Variants in HDAC9 observed in about 807,000 individuals in gnomAD.
The protein encoded by HDAC9 is MEF-2 interacting transcription repressor (MITR) protein.
Under a neutral mutation model 139.4 loss-of-function variants are expected in HDAC9, and 41 were observed. The observed-to-expected ratio is 0.29, with a 90% CI of 0.23 to 0.38. The LOEUF (loss-of-function observed/expected upper bound fraction) is 0.38, where lower values mean the gene tolerates loss of function less well. Ranked by LOEUF, HDAC9 falls within the 10% of genes least tolerant of loss-of-function variation. HDAC9 has a pLI of 1.00. For missense variants in HDAC9, 1,147 were observed against 1,297.0 expected (o/e 0.88, Z 1.78); for synonymous variants, 517 against 476.2 (o/e 1.09, Z -1.12).
intron 2 of HDAC9, among the ~76,000 whole-genome samples, chr7:18,561,531 A>G (rs959352658): frequency 3.9e-5 from 6 of 152,164 alleles, no homozygotes; most frequent in African/African-American, 1.4e-4. Context: ...CATCACCACA[A>G]TCTAACATAG....
chr7:18,253,460 T>G lies in HDAC9; in HGVS notation c.25+91111T>G, dbSNP rs565995487. ...AATAGCCATTCTTAATGGTATGAGA[T>G]GGTATCTCATTGTGGTTTTCATTTT... On this transcript the variant is annotated intron_variant, in intron 2 of 12. Coordinates refer to the HDAC9 transcript ENST00000417496. Among the ~76,000 whole-genome samples the G allele has an allele frequency of 2.0e-5, 3 of 152,342 alleles. No individual in the cohort carries two copies. In the East Asian group the frequency reaches 5.8e-4, roughly 29 times the overall value.
intron 22 of HDAC9, among the ~76,000 whole-genome samples, chr7:18,910,628 C>T (rs934530421): frequency 6.6e-6 from 1 of 151,860 alleles, no homozygotes; most frequent in Non-Finnish European, 1.5e-5. Flanking sequence ...CCAGTTCTTA[C>T]AGAAAAAGCT....
intron 2 of HDAC9, among the ~76,000 whole-genome samples, chr7:18,245,931 G>C (rs1359202354): frequency 6.6e-6 from 1 of 151,734 alleles, no homozygotes; most frequent in Non-Finnish European, 1.5e-5. Flanking sequence ...GACTGGATCA[G>C]TCATTGCTTA....
chr7:18,457,565 T>A (rs1793453078), intron 1 of HDAC9, among the ~76,000 whole-genome samples: 1 of 152,346 alleles, frequency 6.6e-6, no homozygotes, highest in Admixed American at 6.5e-5. Context: ...TGTCTGCCCC[T>A]GTGCAGCTGA....
intron 22 of HDAC9, among the ~76,000 whole-genome samples, chr7:18,909,113 TG>T (rs1802525264): frequency 6.6e-6 from 1 of 152,102 alleles, no homozygotes; most frequent in South Asian, 2.1e-4. Context: ...AAGATCTCAT[TG>T]TGGATTTGAC....
chr7:18,151,456 G>T (rs1388395300), intron 1 of HDAC9, among the ~76,000 whole-genome samples: 6 of 152,294 alleles, frequency 3.9e-5, no homozygotes, highest in East Asian at 1.9e-4. Context: ...TTACTGATGG[G>T]ATCATTAAGA....
chr7:18,321,886 G>A (rs1403914281), intron 1 of HDAC9, among the ~76,000 whole-genome samples: 8 of 152,052 alleles, frequency 5.3e-5, no homozygotes, highest in Admixed American at 5.2e-4. Flanking sequence ...ATAAAAAGTA[G>A]GGCAGAAATC....
chr7:18,122,110 C>T (rs189151955), intron 1 of HDAC9, among the ~76,000 whole-genome samples: 2 of 152,176 alleles, frequency 1.3e-5, no homozygotes, highest in African/African-American at 2.4e-5. Context: ...ATTGAAAAGC[C>T]CCCATAGCAT....
At chr7:18,514,896 A>G (rs532175992) in intron 2 of HDAC9, among the ~76,000 whole-genome samples, 62 of 152,292 alleles carry the variant, frequency 4.1e-4, no homozygotes, top group Non-Finnish European at 6.3e-4. Context: ...GAAGTGAGCT[A>G]TGATCATGCC....
intron 1 of HDAC9, among the ~76,000 whole-genome samples, chr7:18,119,719 C>G (rs1206848255): frequency 1.3e-5 from 2 of 152,140 alleles, no homozygotes; most frequent in African/African-American, 4.8e-5. Flanking sequence ...ATCTGTTGGA[C>G]TGAAAGTAAG....
chr7:18,121,296 A>G (rs577032936), intron 1 of HDAC9, among the ~76,000 whole-genome samples: 2 of 152,216 alleles, frequency 1.3e-5, no homozygotes, highest in Non-Finnish European at 2.9e-5. Context: ...ATTGAAAAAT[A>G]TAGGCAGTTG....
At chr7:18,446,701 C>G (rs568329680) in intron 1 of HDAC9, among the ~76,000 whole-genome samples, 1 of 151,742 alleles carries the variant, frequency 6.6e-6, no homozygotes, top group African/African-American at 2.4e-5. Context: ...TTTGTGTGTG[C>G]GTAGATGTAG....
intron 1 of HDAC9, among the ~76,000 whole-genome samples, chr7:18,321,914 C>CAGAAT (rs1800058610): frequency 6.6e-6 from 1 of 152,022 alleles, no homozygotes; most frequent in African/African-American, 2.4e-5. Context: ...TTCTGCTTTC[C>CAGAAT]ATTATGTATT....
chr7:18,777,693 C>T (rs1040149816), intron 16 of HDAC9, among the ~76,000 whole-genome samples: 3 of 151,916 alleles, frequency 2.0e-5, no homozygotes, highest in Admixed American at 6.6e-5. Flanking sequence ...ATGCTTTAAC[C>T]ATTTTAGCAA....
At chr7:18,727,528 C>T in intron 12 of HDAC9, 52 bp from the exon 13 acceptor site, 2 of 1,472,084 alleles carry the variant, frequency 1.4e-6, no homozygotes, top group South Asian at 2.5e-5. Flanking sequence ...TCAGTGTCTC[C>T]CTCAATCCTT....
chr7:18,666,204 C>G lies in HDAC9; in HGVS notation c.1468-9C>G, dbSNP rs1182213433. ...ACTGAATTTTGAACCCCTGAACACT[C>G]TCTTCTAGCTGCTTTCGAAATCTAT... On this transcript the variant is annotated splice_polypyrimidine_tract_variant and intron_variant, in intron 11 of 25. Transcript: ENST00000686413. The G allele has an allele frequency of 5.0e-6, 8 of 1,599,724 alleles. No homozygotes were observed. Among genetic ancestry groups the G allele is most frequent in the Non-Finnish European group, 6.8e-6 (8 of 1,170,908 alleles).
chr7:18,947,864 T>G (rs1234002382), intron 23 of HDAC9, among the ~76,000 whole-genome samples: 1 of 152,012 alleles, frequency 6.6e-6, no homozygotes, highest in Non-Finnish European at 1.5e-5. Flanking sequence ...AAATAAAATA[T>G]TAGCAGTTCA....
chr7:18,847,681 G>C lies in HDAC9; in HGVS notation c.2684+11684G>C, dbSNP rs546798785. Among the ~76,000 whole-genome samples the C allele has an allele frequency of 2.6e-5, 4 of 152,344 alleles. No individual in the cohort carries two copies. The South Asian group carries it at 8.3e-4, about 32-fold the overall frequency. The stretch of plus-strand genomic sequence containing the variant: ...CAGTTTGAAGCCAAGAAGCAAAAAC[G>C]AGGAAGTCTCCCCCTGAGGGGTCAG... On this transcript the variant is annotated intron_variant, in intron 21 of 25. Coordinates refer to ENST00000686413, the MANE Select transcript of HDAC9 (RefSeq NM_178425.4).
At chr7:18,151,750 C>G (rs1786798260) in intron 1 of HDAC9, 1 of 152,118 alleles carries the variant, frequency 6.6e-6, no homozygotes, top group African/African-American at 2.4e-5. Context: ...ATACAACAAA[C>G]TATCATCATG....
Sources: gnomAD v4.1 joint callset for allele counts (sites outside exome capture counted in the v4.1 genomes callset) on GRCh38, gnomAD v4.1.1 for gene constraint, MANE v1.5 for transcripts, NCBI Gene and HGNC (gene_info 2026-07-23, HGNC 2026-07-21) for gene names.